F8: variants seen among roughly 807,000 people sequenced by gnomAD.
F8 encodes the protein coagulation factor VIII.
A neutral mutation model predicts 140.6 loss-of-function variants in F8; 12 were observed. The observed-to-expected ratio is 0.09, with a 90% CI of 0.05 to 0.14. The LOEUF is 0.14. Among genes scored for constraint, F8 ranks in the 10% least tolerant of loss-of-function variants. The pLI, the probability that F8 is intolerant of heterozygous loss-of-function variation, is 1.00. For synonymous variants in F8, 585 were observed against 614.6 expected (o/e 0.95, Z 0.71); for missense variants, 1,354 against 1,720.7 (o/e 0.79, Z 3.77).
chrX:155,007,355 G>C (rs1177908109), intron 1 of F8, among the ~76,000 whole-genome samples: 1 of 112,501 alleles, frequency 8.9e-6, no homozygotes, highest in Non-Finnish European at 1.9e-5. Context: ...GCAGCAGGGA[G>C]AGAATTAATG....
At chrX:154,978,387 G>C (rs1317394162) in intron 6 of F8, among the ~76,000 whole-genome samples, 5 of 111,610 alleles carry the variant, frequency 4.5e-5, no homozygotes, top group African/African-American at 1.6e-4. Context: ...CACATGAGAT[G>C]TTTTGATACA....
At chrX:154,905,425 T>C (rs2073033334) in intron 15 of F8, among the ~76,000 whole-genome samples, 1 of 112,024 alleles carries the variant, frequency 8.9e-6, no homozygotes, top group Non-Finnish European at 1.9e-5. Flanking sequence ...TTAAAAATTA[T>C]ACATATTTAT....
intron 18 of F8, 145 bp from the exon 19 acceptor site, chrX:154,902,312 C>A: frequency 2.0e-6 from 1 of 501,291 alleles, no homozygotes; most frequent in Non-Finnish European, 3.6e-6. Context: ...AAAGTGCTTG[C>A]TACGTGACCC....
At chrX:154,982,957 T>C (rs1022921788) in intron 6 of F8, among the ~76,000 whole-genome samples, 3 of 112,700 alleles carry the variant, frequency 2.7e-5, no homozygotes, top group Non-Finnish European at 5.6e-5. Flanking sequence ...TTTATGTTAT[T>C]GATAAGGCTT....
chrX:154,948,461 G>T (rs1426949590), intron 12 of F8, among the ~76,000 whole-genome samples: 3 of 111,763 alleles, frequency 2.7e-5, no homozygotes, highest in Admixed American at 9.5e-5. Flanking sequence ...AGAGGTAAAG[G>T]GATGTGATGT....
At chrX:154,994,328 G>A (rs903014808) in intron 3 of F8, among the ~76,000 whole-genome samples, 1 of 111,231 alleles carries the variant, frequency 9.0e-6, no homozygotes, top group African/African-American at 3.3e-5. Context: ...AAAAAAAATT[G>A]CCCACATAAA....
At chrX:154,861,270 C>T (rs1262506825) in intron 24 of F8, among the ~76,000 whole-genome samples, 2 of 111,653 alleles carry the variant, frequency 1.8e-5, no homozygotes, top group Non-Finnish European at 3.8e-5. Flanking sequence ...CACCCAGCCT[C>T]CACTTTCTAT....
rs2124052509 is a variant in F8 at position 154,931,014 on chromosome X, G to A, written c.2776C>T (p.Pro926Ser). ...CTATCATAATGAACTGGCATACTTGGGGGTCCTAAGGAACTTGTATTATCA... is the reference window on the plus strand; with the variant it reads ...CTATCATAATGAACTGGCATACTTGAGGGTCCTAAGGAACTTGTATTATCA... ...GTDNTSSLGP[P>S]SMPVHYDSQL... The change falls in exon 14 of 26, where the codon CCA becomes TCA. Residue 926 changes from proline to serine, a missense_variant. Pro to Ser is a moderately conservative substitution (Grantham distance 74). Transcript: ENST00000360256. The A allele has an allele frequency of 8.4e-7, 1 of 1,188,648 alleles. No homozygotes were observed. Among genetic ancestry groups the A allele is most frequent in the Non-Finnish European group, 1.1e-6 (1 of 885,521 alleles).
At chrX:154,861,903 A>G in intron 23 of F8, 37 bp from the exon 24 acceptor site, 1 of 1,201,884 alleles carries the variant, frequency 8.3e-7, no homozygotes, top group Non-Finnish European at 1.1e-6. Context: ...TCACAAGGAC[A>G]TGCTTCAGCC....
At chrX:154,997,536 G>A (rs2073624025) in intron 2 of F8, among the ~76,000 whole-genome samples, 1 of 112,199 alleles carries the variant, frequency 8.9e-6, no homozygotes, top group Admixed American at 9.5e-5. Context: ...CTGAGGAGGT[G>A]ACATTTGAGT....
chrX:154,998,362 G>A (rs1470244268), intron 2 of F8, among the ~76,000 whole-genome samples: 1 of 113,058 alleles, frequency 8.8e-6, no homozygotes, highest in Non-Finnish European at 1.9e-5. Context: ...TTGTGTCTCT[G>A]GACCTGCCAA....
rs2073352090 is a variant in F8, at chrX:154,954,174, T to C, written c.1753-132A>G. 4.3e-6 allele frequency: 3 copies of C among 698,614 alleles called. No homozygotes were observed. The South Asian group carries it at 7.1e-5, about 17-fold the overall frequency. 57.6% of individuals were successfully genotyped at this position (698,614 alleles called of 1,213,427 possible). On this transcript the variant is annotated intron_variant, in intron 11 of 25. Transcript: ENST00000360256. ...CCATTGGTTTAATTCCATTTCCTCT[T>C]AGGCATGTACCAGGGCTTGGGAGTT...
intron 1 of F8, among the ~76,000 whole-genome samples, chrX:155,005,536 G>T (rs1483456203): frequency 9.0e-6 from 1 of 111,353 alleles, no homozygotes; most frequent in Non-Finnish European, 1.9e-5. Flanking sequence ...AGCAGGAGTT[G>T]TGCTGTGTTC....
At chrX:155,017,558 TGAAAA>T (rs782811301) in intron 1 of F8, among the ~76,000 whole-genome samples, 1 of 112,197 alleles carries the variant, frequency 8.9e-6, no homozygotes, top group Non-Finnish European at 1.9e-5. Flanking sequence ...CTGAAAAAAA[TGAAAA>T]GAAAACCCTT....
chrX:154,950,011 C>T (rs1237811658), intron 12 of F8, among the ~76,000 whole-genome samples: 4 of 111,598 alleles, frequency 3.6e-5, no homozygotes, highest in South Asian at 3.8e-4. Context: ...GTGATCCGCC[C>T]GCCTTGGCCT....
rs1557287618 is a variant in F8, at chrX:155,022,535, G to A, written c.18C>T (p.Ser6=). The part of the protein sequence containing the change: MQIEL[S]TCFFLCLLRF... Reference sequence around the variant, plus strand: ...GCAAAAGGCACAGAAAGAAGCAGGTGGAGAGCTCTATTTGCATGACTTATT... The same window carrying A: ...GCAAAAGGCACAGAAAGAAGCAGGTAGAGAGCTCTATTTGCATGACTTATT... The change falls in exon 1 of 26, where the codon TCC becomes TCT. Residue 6 remains serine, a synonymous_variant. Transcript: ENST00000360256. 8.3e-7 allele frequency: 1 copy of A among 1,211,716 alleles called. No individual in the cohort carries two copies.
At position 154,914,812 on chromosome X, in the gene F8, GTCT is replaced by G. The variant is rs1185881648; in HGVS notation, c.5220-8242_5220-8240del. ...GTTCCAAACATTGCCACATTTTCCTGTCTTCTTCTGAGCCCTCCAAACTGTTCC... is the reference window on the plus strand; with the variant it reads ...GTTCCAAACATTGCCACATTTTCCTGTCTTCTGAGCCCTCCAAACTGTTCC... On this transcript the variant is annotated intron_variant, in intron 14 of 25. Transcript: ENST00000360256. Among the ~76,000 whole-genome samples, 8 of 111,535 alleles carry G rather than the reference GTCT, an allele frequency of 7.2e-5. No homozygotes were observed. The East Asian group carries it at 2.3e-3, about 31-fold the overall frequency.
chrX:154,863,023 A>G, intron 23 of F8, 60 bp downstream of exon 23: 1 of 1,146,590 alleles, frequency 8.7e-7, no homozygotes, highest in Non-Finnish European at 1.2e-6. Flanking sequence ...GATAACTAGA[A>G]CAGTTAGTCA....
chrX:154,848,135 G>A (rs1039926823), intron 25 of F8, among the ~76,000 whole-genome samples: 1 of 112,535 alleles, frequency 8.9e-6, no homozygotes, highest in Non-Finnish European at 1.9e-5. Context: ...CTGCCTGATC[G>A]TTCCTCTGGA....
Sources: gnomAD v4.1 joint callset for allele counts (sites outside exome capture counted in the v4.1 genomes callset) on GRCh38, gnomAD v4.1.1 for gene constraint, MANE v1.5 for transcripts, NCBI Gene and HGNC (gene_info 2026-07-23, HGNC 2026-07-21) for gene names.